Variants in ROPN1L observed in about 807,000 individuals in gnomAD.
The protein encoded by ROPN1L is rhophilin associated tail protein 1 like.
In ROPN1L, 23 loss-of-function variants were observed where a neutral mutation model predicts 22.7. The observed-to-expected ratio is 1.01, with a 90% CI of 0.73 to 1.43. ROPN1L has a LOEUF of 1.43. Ranked by LOEUF, ROPN1L falls within the 40% of genes most tolerant of loss-of-function variation. The pLI is 0.00. For synonymous variants in ROPN1L, 116 were observed against 117.8 expected, an observed-to-expected ratio of 0.98 and a Z score of 0.10; for missense variants, 271 against 291.5, an observed-to-expected ratio of 0.93 and a Z score of 0.51.
At chr5:10,471,241 G>C (rs934840960) in intron 4 of ROPN1L, among the ~76,000 whole-genome samples, 2 of 152,098 alleles carry the variant, frequency 1.3e-5, no homozygotes, top group African/African-American at 4.8e-5. Flanking sequence ...AGGTTCAAGA[G>C]ATTCTCCTGC....
At chr5:10,457,987 A>G (rs1159742583) in intron 3 of ROPN1L, among the ~76,000 whole-genome samples, 2 of 152,012 alleles carry the variant, frequency 1.3e-5, no homozygotes, top group African/African-American at 4.8e-5. Flanking sequence ...GCAGGGCACC[A>G]CCCTGCTCGG....
intron 3 of ROPN1L, among the ~76,000 whole-genome samples, chr5:10,455,373 C>T (rs989951445): frequency 2.0e-5 from 3 of 152,236 alleles, no homozygotes; most frequent in African/African-American, 7.2e-5. Flanking sequence ...GACACAGCCA[C>T]GCCCCCACCC....
chr5:10,482,136 A>C, the ROPN1L span: 1 of 151,910 alleles, frequency 6.6e-6, no homozygotes, highest in South Asian at 2.1e-4. Context: ...AGGCTGAGGC[A>C]GGAGAATCGC....
intron 3 of ROPN1L, among the ~76,000 whole-genome samples, chr5:10,455,864 G>A (rs1304461300): frequency 6.6e-6 from 1 of 152,220 alleles, no homozygotes; most frequent in African/African-American, 2.4e-5. Context: ...CCAGTGCTGG[G>A]TCAGAGGCAC....
chr5:10,464,734 A>G (rs2126473142), intron 4 of ROPN1L, 114 bp from the exon 5 acceptor site: 1 of 600,176 alleles, frequency 1.7e-6, no homozygotes, highest in Non-Finnish European at 2.9e-6. Flanking sequence ...CTGATGAGCA[A>G]CCATAAATAG....
the ROPN1L span, among the ~76,000 whole-genome samples, chr5:10,479,203 A>C: frequency 1.3e-5 from 2 of 152,186 alleles, no homozygotes; most frequent in South Asian, 4.1e-4. Flanking sequence ...CCAGCATATA[A>C]GGGAAAGTGA....
intron 3 of ROPN1L, among the ~76,000 whole-genome samples, chr5:10,453,807 C>CATTCCACAAATGTTTACTGTGCATTAT (rs1335153331): frequency 2.1e-4 from 32 of 152,370 alleles, no homozygotes; most frequent in African/African-American, 7.7e-4. Context: ...ACATACCATT[C>CATTCCACAAATGTTTACTGTGCATTAT]ATTCCACAAA....
At chr5:10,445,420 G>T (rs1007870471) in intron 1 of ROPN1L, among the ~76,000 whole-genome samples, 2 of 152,196 alleles carry the variant, frequency 1.3e-5, no homozygotes, top group Non-Finnish European at 2.9e-5. Context: ...GCGGGACTTG[G>T]TAAGTGCAAA....
At chr5:10,458,961 A>C (rs937920332) in intron 3 of ROPN1L, among the ~76,000 whole-genome samples, 2 of 46,204 alleles carry the variant, frequency 4.3e-5, no homozygotes, top group African/African-American at 9.1e-5. Context: ...ACACCACCCC[A>C]CCTGTATACA....
rs1288498307 is a variant in ROPN1L, at chr5:10,455,505, C to G, written c.417+5392C>G. 3.9e-5 allele frequency among the ~76,000 whole-genome samples: 6 copies of G among 152,228 alleles called. No homozygotes were observed. In the East Asian group the frequency reaches 1.2e-3, roughly 29 times the overall value. ...TTCCCCTGATTGCTCATGTCCCTCCCTCTGTGGGAAAGAGGCAGGGGCCAC... is the reference window on the plus strand; with the variant it reads ...TTCCCCTGATTGCTCATGTCCCTCCGTCTGTGGGAAAGAGGCAGGGGCCAC... On this transcript the variant is annotated intron_variant, in intron 3 of 4. Coordinates refer to ENST00000274134, the MANE Select transcript of ROPN1L (RefSeq NM_031916.5).
At chr5:10,464,501 G>T (rs1171018096) in intron 4 of ROPN1L, among the ~76,000 whole-genome samples, 1 of 152,160 alleles carries the variant, frequency 6.6e-6, no homozygotes, top group Non-Finnish European at 1.5e-5. Flanking sequence ...GACATGGGTG[G>T]TTCCATCTCA....
In ROPN1L at chr5:10,462,902, C is replaced by T. The variant is rs964951755; in HGVS notation, c.593+1543C>T. Among the ~76,000 whole-genome samples the T allele has an allele frequency of 5.1e-4, 76 of 150,270 alleles. 1 individual carries two copies. The highest frequency in any genetic ancestry group is 1.8e-4 in the Non-Finnish European group (12 of 67,552). On this transcript the variant is annotated intron_variant, in intron 4 of 4. Transcript: ENST00000274134. ...GAGACTCCGTCTCAAATAATAACAA[C>T]AATAATAATAATAATAATAATAATA...
intron 1 of ROPN1L, among the ~76,000 whole-genome samples, chr5:10,442,795 CTA>C (rs905691197): frequency 6.6e-6 from 1 of 152,240 alleles, no homozygotes; most frequent in African/African-American, 2.4e-5. Context: ...GTCATCATCC[CTA>C]GAGTGCTCAG....
the ROPN1L span, among the ~76,000 whole-genome samples, chr5:10,478,343 C>T: frequency 3.9e-5 from 6 of 152,202 alleles, no homozygotes; most frequent in Non-Finnish European, 7.3e-5. Context: ...GGGGCTGCCC[C>T]GACAAAGTAT....
At chr5:10,468,073 C>T (rs1735184179), downstream of ROPN1L, among the ~76,000 whole-genome samples, 1 of 152,228 alleles carries the variant, frequency 6.6e-6, no homozygotes, top group Non-Finnish European at 1.5e-5. Context: ...CCCTGTCCCT[C>T]CCCCAGCACA....
chr5:10,468,875 G>T (rs1735199587), downstream of ROPN1L, among the ~76,000 whole-genome samples: 1 of 152,220 alleles, frequency 6.6e-6, no homozygotes, highest in South Asian at 2.1e-4. Context: ...TAAACTTTGG[G>T]CTGGGCGCAA....
At position 10,464,828 on chromosome 5, in the gene ROPN1L, T is replaced by A; in HGVS notation, c.594-20T>A. On this transcript the variant is annotated intron_variant, in intron 4 of 4. Coordinates refer to ENST00000274134, the MANE Select transcript of ROPN1L (RefSeq NM_031916.5). ...TGATGAGAAATTACCAATAAATATC[T>A]TTATCTGTTTCCAATTTAGAGACGC... 1 of 1,446,526 alleles carries A rather than the reference T, an allele frequency of 6.9e-7. No individual in the cohort carries two copies. The highest frequency in any genetic ancestry group is 9.5e-7 in the Non-Finnish European group (1 of 1,050,070). The allele number at this position is 1,446,526 out of a possible 1,614,324, so 89.6% of individuals were successfully genotyped here.
At chr5:10,454,866 G>C (rs1741367402) in intron 3 of ROPN1L, among the ~76,000 whole-genome samples, 1 of 152,198 alleles carries the variant, frequency 6.6e-6, no homozygotes, top group African/African-American at 2.4e-5. Flanking sequence ...CCCCAAGGCA[G>C]AGAGAAGCTG....
At chr5:10,469,570 G>C (rs1054415535), downstream of ROPN1L, among the ~76,000 whole-genome samples, 12 of 152,174 alleles carry the variant, frequency 7.9e-5, no homozygotes, top group South Asian at 2.3e-3. Flanking sequence ...TGTGGGGAGG[G>C]GGGTGGTGGG....
Sources: gnomAD v4.1 joint callset for allele counts (sites outside exome capture counted in the v4.1 genomes callset) on GRCh38, gnomAD v4.1.1 for gene constraint, MANE v1.5 for transcripts, NCBI Gene and HGNC (gene_info 2026-07-23, HGNC 2026-07-21) for gene names.